The following TPST1 variants were observed in gnomAD, a reference collection of about 807,000 sequenced individuals.
TPST1 encodes the protein protein-tyrosine sulfotransferase 1.
TPST1 carries 20 observed loss-of-function variants against 34.8 expected under a neutral mutation model. That is an observed-to-expected ratio of 0.57 (90% CI 0.40 to 0.84). The LOEUF (loss-of-function observed/expected upper bound fraction) is 0.84. TPST1 is among the 40% of genes least tolerant of loss of function. The pLI, the probability that TPST1 is intolerant of heterozygous loss-of-function variation, is 0.00. For synonymous variants in TPST1, 152 were observed against 159.4 expected (o/e 0.95, Z 0.35); for missense variants, 353 against 455.5 (o/e 0.78, Z 2.05).
chr7:66,255,967 A>G (rs1790375439), intron 2 of TPST1, among the ~76,000 whole-genome samples: 1 of 152,086 alleles, frequency 6.6e-6, no homozygotes, highest in South Asian at 2.1e-4. Context: ...CTACTATTTT[A>G]TTAAGTCTGG....
intron 3 of TPST1, among the ~76,000 whole-genome samples, chr7:66,342,272 A>C (rs887470141): frequency 6.6e-6 from 1 of 152,146 alleles, no homozygotes; most frequent in Non-Finnish European, 1.5e-5. Context: ...TTCTCCCAAA[A>C]ACTGGAGGGA....
At chr7:66,201,464 G>A (rs1466179086), upstream of TPST1, among the ~76,000 whole-genome samples, 15 of 151,998 alleles carry the variant, frequency 9.9e-5, no homozygotes, top group Admixed American at 9.8e-4. Flanking sequence ...GCCAAGGTGG[G>A]CAGATCACAT....
intron 3 of TPST1, among the ~76,000 whole-genome samples, chr7:66,350,973 A>G (rs1405756553): frequency 1.3e-5 from 2 of 152,218 alleles, no homozygotes; most frequent in African/African-American, 2.4e-5. Flanking sequence ...CAGTATACCA[A>G]TCATTTATCA....
chr7:66,261,955 G>A (rs1324791599), intron 2 of TPST1, among the ~76,000 whole-genome samples: 3 of 152,134 alleles, frequency 2.0e-5, no homozygotes, highest in African/African-American at 7.2e-5. Flanking sequence ...TACTGCTAGT[G>A]TCCATGCCAG....
At chr7:66,355,934 G>A (rs553369779) in intron 4 of TPST1, among the ~76,000 whole-genome samples, 4 of 149,126 alleles carry the variant, frequency 2.7e-5, no homozygotes, top group African/African-American at 7.4e-5. Context: ...AAGGCTGAGC[G>A]TGGTGGCATA....
intron 1 of TPST1, among the ~76,000 whole-genome samples, chr7:66,224,898 A>ATTCTT (rs1554341338): frequency 4.3e-5 from 2 of 46,142 alleles, no homozygotes; most frequent in Non-Finnish European, 9.1e-5. Flanking sequence ...ACATTCTGGT[A>ATTCTT]TTCTTTTTTT....
chr7:66,240,230 G>C, intron 1 of TPST1, 95 bp from the exon 2 acceptor site: 1 of 688,170 alleles, frequency 1.5e-6, no homozygotes, highest in Admixed American at 3.1e-5. Flanking sequence ...GACTGTTTCA[G>C]CTTCTTTCTA....
At chr7:66,223,732 A>C (rs1457550217) in intron 1 of TPST1, among the ~76,000 whole-genome samples, 2 of 152,072 alleles carry the variant, frequency 1.3e-5, no homozygotes, top group Non-Finnish European at 2.9e-5. Context: ...TATTATGAAA[A>C]ATTTCAAACA....
At chr7:66,298,920 G>A (rs1379739511) in intron 3 of TPST1, among the ~76,000 whole-genome samples, 3 of 151,794 alleles carry the variant, frequency 2.0e-5, no homozygotes, top group Non-Finnish European at 2.9e-5. Flanking sequence ...TCAGGAGATC[G>A]AGACCATCCT....
intron 2 of TPST1, among the ~76,000 whole-genome samples, chr7:66,261,013 C>T (rs188763189): frequency 1.3e-5 from 2 of 152,222 alleles, no homozygotes; most frequent in East Asian, 3.9e-4. Flanking sequence ...GATTCTCTGG[C>T]CTGAAAACTC....
chr7:66,237,350 A>G (rs1343156605), intron 1 of TPST1, among the ~76,000 whole-genome samples: 2 of 152,176 alleles, frequency 1.3e-5, no homozygotes, highest in African/African-American at 4.8e-5. Flanking sequence ...TCAAGCATAA[A>G]TGCTTCTCAG....
intron 1 of TPST1, among the ~76,000 whole-genome samples, chr7:66,215,534 C>A (rs984775982): frequency 6.6e-6 from 1 of 151,110 alleles, no homozygotes; most frequent in Non-Finnish European, 1.5e-5. Context: ...GCCACCACGC[C>A]CAGCTAATTT....
At chr7:66,235,525 A>G (rs1395573571) in intron 1 of TPST1, among the ~76,000 whole-genome samples, 2 of 152,186 alleles carry the variant, frequency 1.3e-5, no homozygotes, top group Non-Finnish European at 2.9e-5. Context: ...TAGTTGGTGT[A>G]TTCTACTGAG....
chr7:66,243,561 A>G (rs1790081119), intron 2 of TPST1, among the ~76,000 whole-genome samples: 1 of 151,008 alleles, frequency 6.6e-6, no homozygotes, highest in African/African-American at 2.4e-5. Context: ...CTCCCATCTC[A>G]GCCTCCCGAG....
At position 66,225,664 on chromosome 7, in the gene TPST1, G is replaced by A. The variant is rs191494771; in HGVS notation, c.-101-14661G>A. Among the ~76,000 whole-genome samples the A allele has an allele frequency of 3.7e-4, 57 of 152,318 alleles. 1 individual carries two copies. Among genetic ancestry groups the A allele is most frequent in the Non-Finnish European group, 1.3e-4 (9 of 68,034 alleles). Reference sequence around the variant, plus strand: ...ACGGATAGAGGCCATGTTTGTGTGTGTGCATGCACACGCACACGTGTGTAA... The same window carrying A: ...ACGGATAGAGGCCATGTTTGTGTGTATGCATGCACACGCACACGTGTGTAA... On this transcript the variant is annotated intron_variant, in intron 1 of 5. Coordinates refer to ENST00000304842, the MANE Select transcript of TPST1 (RefSeq NM_003596.4).
At chr7:66,351,314 G>A (rs1347893798) in intron 3 of TPST1, among the ~76,000 whole-genome samples, 1 of 152,204 alleles carries the variant, frequency 6.6e-6, no homozygotes, top group African/African-American at 2.4e-5. Context: ...CATTATATGC[G>A]TAGATCACGT....
chr7:66,351,532 C>T (rs1268607655), intron 3 of TPST1, among the ~76,000 whole-genome samples: 6 of 152,090 alleles, frequency 3.9e-5, no homozygotes. Context: ...ATAATTGTAG[C>T]TGTATAATAG....
intron 2 of TPST1, among the ~76,000 whole-genome samples, chr7:66,242,643 A>G (rs891239763): frequency 6.6e-6 from 1 of 152,114 alleles, no homozygotes; most frequent in Non-Finnish European, 1.5e-5. Context: ...AATCACCTGT[A>G]TTAGGTATTT....
intron 3 of TPST1, among the ~76,000 whole-genome samples, chr7:66,323,711 G>A (rs974335235): frequency 3.9e-5 from 6 of 152,194 alleles, no homozygotes; most frequent in Non-Finnish European, 8.8e-5. Context: ...CACCCAATTA[G>A]TAGTTTAAGT....
Sources: allele counts gnomAD v4.1 joint callset (sites outside exome capture counted in the v4.1 genomes callset), GRCh38; gene constraint gnomAD v4.1.1; transcripts MANE v1.5; gene names NCBI Gene and HGNC (gene_info 2026-07-23, HGNC 2026-07-21).